The following EPHA5 variants were observed in gnomAD, a reference collection of about 807,000 sequenced individuals.
EPHA5 encodes the protein ephrin type-A receptor 5.
EPHA5 carries 60 observed loss-of-function variants against 105.0 expected under a neutral mutation model. That is an observed-to-expected ratio of 0.57 (90% CI 0.46 to 0.71). EPHA5 has a LOEUF of 0.71. EPHA5 is among the 30% of genes least tolerant of loss of function. The pLI is 0.00. For missense variants in EPHA5, 1,218 were observed against 1,274.7 expected (o/e 0.96, Z 0.68); for synonymous variants, 513 against 449.1 (o/e 1.14, Z -1.80).
intron 3 of EPHA5, among the ~76,000 whole-genome samples, chr4:65,569,195 G>T (rs1277800485): frequency 6.6e-6 from 1 of 151,476 alleles, no homozygotes; most frequent in Non-Finnish European, 1.5e-5. Context: ...TTGAATAAAT[G>T]CTTTTTAAGT....
At chr4:65,424,858 G>A (rs926408443) in intron 5 of EPHA5, among the ~76,000 whole-genome samples, 3 of 151,916 alleles carry the variant, frequency 2.0e-5, no homozygotes, top group African/African-American at 7.2e-5. Context: ...TTAAAACATT[G>A]ATAGTTACAC....
chr4:65,357,121 T>A (rs1210733035), intron 11 of EPHA5, among the ~76,000 whole-genome samples: 1 of 151,624 alleles, frequency 6.6e-6, no homozygotes, highest in East Asian at 1.9e-4. Flanking sequence ...TTTACCTTTA[T>A]TATTGATAAC....
chr4:65,496,469 A>G (rs965543913), intron 3 of EPHA5, among the ~76,000 whole-genome samples: 2 of 148,862 alleles, frequency 1.3e-5, no homozygotes, highest in African/African-American at 4.9e-5. Flanking sequence ...TATGAGTGAG[A>G]ACATGTGGTG....
intron 5 of EPHA5, among the ~76,000 whole-genome samples, chr4:65,486,109 A>T (rs1329532133): frequency 6.6e-6 from 1 of 152,116 alleles, no homozygotes; most frequent in African/African-American, 2.4e-5. Context: ...CCTCCCAGAG[A>T]TTACCTGGGA....
intron 8 of EPHA5, among the ~76,000 whole-genome samples, chr4:65,404,037 T>C (rs1722111657): frequency 6.6e-6 from 1 of 152,084 alleles, no homozygotes; most frequent in Non-Finnish European, 1.5e-5. Context: ...CTAATTAAAC[T>C]TGAAGCAGGC....
chr4:65,527,473 T>G lies in EPHA5; in HGVS notation c.911-31930A>C, dbSNP rs563579135. Among the ~76,000 whole-genome samples, 33 of 152,106 alleles carry G rather than the reference T, an allele frequency of 2.2e-4. No individual in the cohort carries two copies. The East Asian group carries it at 5.8e-3, about 27-fold the overall frequency. On this transcript the variant is annotated intron_variant, in intron 3 of 16. Coordinates refer to ENST00000613740, the MANE Select transcript of EPHA5 (RefSeq NM_001281766.3). ...ACAAAAAGTCATAACTTCAGGATAA[T>G]GTTTACGTTTGGAAAGGTTTATGAC...
At chr4:65,568,477 T>A (rs1466692624) in intron 3 of EPHA5, among the ~76,000 whole-genome samples, 2 of 151,350 alleles carry the variant, frequency 1.3e-5, no homozygotes, top group East Asian at 3.9e-4. Flanking sequence ...ATTTTAAATA[T>A]AAATTATACA....
At position 65,430,398 on chromosome 4, in the gene EPHA5, C is replaced by T. The variant is rs528915697; in HGVS notation, c.1403-9833G>A. On this transcript the variant is annotated intron_variant, in intron 5 of 16. Coordinates refer to ENST00000613740, the MANE Select transcript of EPHA5 (RefSeq NM_001281766.3). Reference sequence around the variant, plus strand: ...ACTCAATTATTAGAAAGAATTAAGTCCAAATTTTGCTTTGAGAATTGTTTA... The same window carrying T: ...ACTCAATTATTAGAAAGAATTAAGTTCAAATTTTGCTTTGAGAATTGTTTA... Among the ~76,000 whole-genome samples, 11 of 151,566 alleles carry T rather than the reference C, an allele frequency of 7.3e-5. No homozygotes were observed. The East Asian group carries it at 2.1e-3, about 29-fold the overall frequency.
chr4:65,480,254 A>G (rs1382398520), intron 5 of EPHA5, among the ~76,000 whole-genome samples: 1 of 152,198 alleles, frequency 6.6e-6, no homozygotes, highest in Admixed American at 6.5e-5. Flanking sequence ...TTTTCATTCA[A>G]ATTTGAATAA....
chr4:65,380,574 A>G (rs1029981688), intron 8 of EPHA5, among the ~76,000 whole-genome samples: 20 of 151,826 alleles, frequency 1.3e-4, no homozygotes, highest in African/African-American at 4.8e-4. Flanking sequence ...GAATTGGATA[A>G]TAAAAACACT....
intron 2 of EPHA5, among the ~76,000 whole-genome samples, chr4:65,616,708 T>C (rs1204526093): frequency 6.6e-6 from 1 of 152,062 alleles, no homozygotes; most frequent in Non-Finnish European, 1.5e-5. Context: ...TGATATTCTT[T>C]CAAAGGCACA....
intron 1 of EPHA5, among the ~76,000 whole-genome samples, chr4:65,664,793 GC>G (rs1370680687): frequency 6.6e-6 from 1 of 151,794 alleles, no homozygotes; most frequent in Admixed American, 6.6e-5. Context: ...CTCTAATGTT[GC>G]TTTTATAATC....
chr4:65,424,560 T>C (rs1724242062), intron 5 of EPHA5, among the ~76,000 whole-genome samples: 1 of 152,080 alleles, frequency 6.6e-6, no homozygotes, highest in Non-Finnish European at 1.5e-5. Context: ...TGTAATAATA[T>C]CGGTTGTAAA....
In EPHA5 at chr4:65,320,693, C is replaced by T. The variant is rs1262281022; in HGVS notation, c.*3421G>A. 3 of 229,806 alleles carry T rather than the reference C, an allele frequency of 1.3e-5. No individual in the cohort carries two copies. Among genetic ancestry groups the T allele is most frequent in the African/African-American group, 6.7e-5 (3 of 45,084 alleles). 14.2% of individuals were successfully genotyped at this position (229,806 alleles called of 1,614,324 possible). A position where few individuals can be genotyped will look rare whatever the true frequency, so the allele number is the denominator to read the frequency against. On this transcript the variant is annotated 3_prime_UTR_variant, in exon 17 of 17. Transcript: ENST00000613740. Reference sequence around the variant, plus strand: ...ACAGATTAAGTAGAAGACATGAAAACACATAAGTGCTCAAATGATATTAAC... The same window carrying T: ...ACAGATTAAGTAGAAGACATGAAAATACATAAGTGCTCAAATGATATTAAC...
intron 3 of EPHA5, among the ~76,000 whole-genome samples, chr4:65,594,723 C>G (rs577589590): frequency 9.2e-5 from 14 of 151,626 alleles, no homozygotes; most frequent in African/African-American, 3.1e-4. Flanking sequence ...AGTTATTAAC[C>G]ATTGTCAAAC....
At chr4:65,357,179 G>A (rs1436344196) in intron 11 of EPHA5, among the ~76,000 whole-genome samples, 2 of 151,300 alleles carry the variant, frequency 1.3e-5, no homozygotes, top group East Asian at 3.9e-4. Context: ...ATAAGGCAAT[G>A]TTATGGATTT....
In EPHA5 at chr4:65,483,611, A is replaced by G. The variant is rs1050833314; in HGVS notation, c.1402+6766T>C. ...GAATACTGCCTTCAAGCTAACATTG[A>G]TCTTGGTGGATTCAGACTATCACCA... On this transcript the variant is annotated intron_variant, in intron 5 of 16. Coordinates refer to ENST00000613740, the MANE Select transcript of EPHA5 (RefSeq NM_001281766.3). Among the ~76,000 whole-genome samples, 11 of 152,162 alleles carry G rather than the reference A, an allele frequency of 7.2e-5. 1 individual carries two copies. Among genetic ancestry groups the G allele is most frequent in the Admixed American group, 5.2e-4 (8 of 15,264 alleles).
chr4:65,594,510 C>T (rs1742983410), intron 3 of EPHA5, among the ~76,000 whole-genome samples: 1 of 152,144 alleles, frequency 6.6e-6, no homozygotes, highest in Non-Finnish European at 1.5e-5. Context: ...TAGCATTTGC[C>T]TGTTACATTT....
chr4:65,550,416 G>A (rs773987592), intron 3 of EPHA5, among the ~76,000 whole-genome samples: 42 of 152,048 alleles, frequency 2.8e-4, no homozygotes, highest in Non-Finnish European at 4.9e-4. Context: ...TATTTCAAAA[G>A]TTTGGACGCC....
Sources: gnomAD v4.1 joint callset for allele counts (sites outside exome capture counted in the v4.1 genomes callset) on GRCh38, gnomAD v4.1.1 for gene constraint, MANE v1.5 for transcripts, NCBI Gene and HGNC (gene_info 2026-07-23, HGNC 2026-07-21) for gene names.